Variants in SYNE3 observed in about 807,000 individuals in gnomAD.
SYNE3 encodes nesprin-3.
Under a neutral mutation model 111.2 loss-of-function variants are expected in SYNE3, and 100 were observed. The observed-to-expected ratio is 0.90, with a 90% CI of 0.77 to 1.06. SYNE3 has a LOEUF of 1.06. Ranked by LOEUF, SYNE3 falls within the 50% of genes least tolerant of loss-of-function variation. SYNE3 has a pLI of 0.00. For synonymous variants in SYNE3, 547 were observed against 533.9 expected, an observed-to-expected ratio of 1.02 and a Z score of -0.34; for missense variants, 1,160 against 1,240.3, an observed-to-expected ratio of 0.94 and a Z score of 0.97.
chr14:95,434,477 A>G (rs1885972449), intron 15 of SYNE3, among the ~76,000 whole-genome samples: 1 of 152,142 alleles, frequency 6.6e-6, no homozygotes, highest in South Asian at 2.1e-4. Context: ...CCTTCACCCT[A>G]TTAAAAATGA....
At position 95,455,740 on chromosome 14, in the gene SYNE3, G is replaced by C; in HGVS notation, c.790-16C>G. 6.2e-7 allele frequency: 1 copy of C among 1,609,834 alleles called. No homozygotes were observed. Among genetic ancestry groups the C allele is most frequent in the Non-Finnish European group, 8.5e-7 (1 of 1,177,434 alleles). ...TGGCAATGTCCTGAAGAGGGTAGAGGGGTGAGGGAAAAACAGGCAGGGAAA... is the reference window on the plus strand; with the variant it reads ...TGGCAATGTCCTGAAGAGGGTAGAGCGGTGAGGGAAAAACAGGCAGGGAAA... On this transcript the variant is annotated splice_polypyrimidine_tract_variant and intron_variant, in intron 5 of 17. Coordinates refer to ENST00000682763, the MANE Select transcript of SYNE3 (RefSeq NM_152592.6).
At chr14:95,487,070 AC>A (rs1566684276) in intron 1 of SYNE3, among the ~76,000 whole-genome samples, 1 of 151,082 alleles carries the variant, frequency 6.6e-6, no homozygotes, top group Non-Finnish European at 1.5e-5. Context: ...TCCTTCCCCC[AC>A]TCTGCCCCAC....
In SYNE3 at chr14:95,455,458, C is replaced by G. The variant is rs771817288; in HGVS notation, c.1056G>C (p.Gln352His). 1 of 1,612,280 alleles carries G rather than the reference C, an allele frequency of 6.2e-7. No homozygotes were observed. Among genetic ancestry groups the G allele is most frequent in the Non-Finnish European group, 8.5e-7 (1 of 1,179,268 alleles). Residue 352 changes from glutamine (Q) to histidine (H), a missense_variant, in exon 6 of 18, where the codon CAG becomes CAC. By Grantham distance (24) the Gln-to-His change is conservative. Transcript: ENST00000682763. ...GCTGCAGGCCCTCCTGGGCCAGCCT[C>G]TGCAGGACCATCCTGAACTCACTGA... ...AELSEFRMVLQRLAQEGLQPA... is the reference protein window; with the variant it reads ...AELSEFRMVLHRLAQEGLQPA...
chr14:95,460,367 GTTTTTTTTTTTTTT>G (rs548346693), intron 4 of SYNE3, among the ~76,000 whole-genome samples: 2 of 85,238 alleles, frequency 2.3e-5, no homozygotes, highest in Non-Finnish European at 4.4e-5. Context: ...ACGATGCCTA[GTTTTTTTTTTTTTT>G]TTTTTTTTTT....
At chr14:95,481,239 C>T (rs975780643) in intron 1 of SYNE3, among the ~76,000 whole-genome samples, 4 of 152,204 alleles carry the variant, frequency 2.6e-5, no homozygotes, top group African/African-American at 9.7e-5. Context: ...CTCACTAGAC[C>T]ATATTGACTC....
chr14:95,447,048 C>G (rs1044712399), intron 8 of SYNE3, among the ~76,000 whole-genome samples: 2 of 152,122 alleles, frequency 1.3e-5, no homozygotes, highest in African/African-American at 2.4e-5. Flanking sequence ...AGACTTAAAA[C>G]ACTGAGCTAG....
intron 17 of SYNE3, among the ~76,000 whole-genome samples, chr14:95,422,979 A>C (rs1449776820): frequency 1.3e-5 from 2 of 152,200 alleles, no homozygotes; most frequent in Non-Finnish European, 2.9e-5. Flanking sequence ...TGTCTTTGCT[A>C]AGTTCTGGGC....
At chr14:95,469,883 TGACGATGATGA>T (rs1888419378) in intron 2 of SYNE3, among the ~76,000 whole-genome samples, 1 of 127,398 alleles carries the variant, frequency 7.8e-6, no homozygotes, top group Non-Finnish European at 1.9e-5. Flanking sequence ...TCGTTGATGA[TGACGATGATGA>T]TGACGATGAT....
intron 4 of SYNE3, among the ~76,000 whole-genome samples, chr14:95,462,846 A>C (rs1887922295): frequency 6.6e-6 from 1 of 152,190 alleles, no homozygotes; most frequent in African/African-American, 2.4e-5. Context: ...TGACGCACAG[A>C]ATGTTTTTTA....
intron 8 of SYNE3, among the ~76,000 whole-genome samples, chr14:95,448,222 A>G (rs1022684011): frequency 6.6e-6 from 1 of 152,204 alleles, no homozygotes; most frequent in Middle Eastern, 3.2e-3. Flanking sequence ...GATATAAAGG[A>G]CAGATTTGGG....
At position 95,443,247 on chromosome 14, in the gene SYNE3, C is replaced by T. The variant is rs1886508047; in HGVS notation, c.1819G>A (p.Ala607Thr). ...EGLDLGAQME[A>T]ARPLVQENPN... ...TTCTCCTGGACCAGAGGCCTTGCAG[C>T]CTCCATCTGTGCCCCCAAGTCCAGC... is the stretch of plus-strand genomic sequence containing the variant. Residue 607 changes from alanine to threonine, a missense_variant, in exon 11 of 18, where the codon GCT becomes ACT. Physicochemically the swap from Ala to Thr is moderately conservative, Grantham distance 58. Coordinates refer to ENST00000682763, the MANE Select transcript of SYNE3 (RefSeq NM_152592.6). 1 of 1,614,120 alleles carries T rather than the reference C, an allele frequency of 6.2e-7. No individual in the cohort carries two copies. The highest frequency in any genetic ancestry group is 8.5e-7 in the Non-Finnish European group (1 of 1,180,042).
Position 95,457,298 on chromosome 14 carries a change from T to A in SYNE3, c.668A>T (p.Glu223Val). 1 of 1,614,058 alleles carries A rather than the reference T, an allele frequency of 6.2e-7. No homozygotes were observed. Among genetic ancestry groups the A allele is most frequent in the Non-Finnish European group, 8.5e-7 (1 of 1,179,982 alleles). Reference sequence around the variant, plus strand: ...CTCGTCCACACCTGCCTGGTACTCCTCATGCTCCCGGGCCACCTGCTCCAG... The same window carrying A: ...CTCGTCCACACCTGCCTGGTACTCCACATGCTCCCGGGCCACCTGCTCCAG... Reference protein sequence around the residue: ...DLLEQVAREHEEYQAGVDEFQ... With the variant: ...DLLEQVAREHVEYQAGVDEFQ... Residue 223 changes from glutamate (E) to valine (V), a missense_variant, in exon 5 of 18, where the codon GAG becomes GTG. Coordinates refer to ENST00000682763, the MANE Select transcript of SYNE3 (RefSeq NM_152592.6).
intron 2 of SYNE3, among the ~76,000 whole-genome samples, chr14:95,473,598 C>G (rs1195740896): frequency 1.3e-5 from 2 of 152,098 alleles, no homozygotes; most frequent in Admixed American, 6.6e-5. Context: ...GGTCTTCTGC[C>G]AATCAAAGGA....
Position 95,452,255 on chromosome 14 carries a change from C to T in SYNE3, c.1266G>A (p.Glu422=), listed in dbSNP as rs1887132721. The T allele has an allele frequency of 6.2e-7, 1 of 1,608,962 alleles. No individual in the cohort carries two copies. The highest frequency in any genetic ancestry group is 8.5e-7 in the Non-Finnish European group (1 of 1,176,524). The part of the protein sequence containing the change: ...LSDSVIATIQ[E]YQSLKVKSAR... ...TTGGCCTTCCCAGATACCTCTGATACTCCTGGATGGTAGCGATGACACTAT... is the reference window on the plus strand; with the variant it reads ...TTGGCCTTCCCAGATACCTCTGATATTCCTGGATGGTAGCGATGACACTAT... Residue 422 remains glutamate, a synonymous_variant, in exon 7 of 18, where the codon GAG becomes GAA. Transcript: ENST00000682763.
At chr14:95,444,725 GC>G in intron 9 of SYNE3, 97 bp from the exon 10 acceptor site, 1 of 1,415,872 alleles carries the variant, frequency 7.1e-7, no homozygotes, top group Non-Finnish European at 9.3e-7. Context: ...CTTCGTCTCG[GC>G]CAGCTCATGC....
chr14:95,425,082 A>G (rs1885355627), intron 17 of SYNE3, among the ~76,000 whole-genome samples: 1 of 152,120 alleles, frequency 6.6e-6, no homozygotes, highest in South Asian at 2.1e-4. Context: ...TCTACTAAAA[A>G]TACAAAAAAA....
Position 95,478,400 on chromosome 14 carries a change from G to A in SYNE3, c.-14-2565C>T, listed in dbSNP as rs748639479. ...AGGGACCTCTGAGGTTGTGGGTTGAGAGGGTCGATGTTACTGTGACCCCTG... is the reference window on the plus strand; with the variant it reads ...AGGGACCTCTGAGGTTGTGGGTTGAAAGGGTCGATGTTACTGTGACCCCTG... On this transcript the variant is annotated intron_variant, in intron 1 of 17. Transcript: ENST00000682763. 3.9e-5 allele frequency among the ~76,000 whole-genome samples: 6 copies of A among 152,326 alleles called. No individual in the cohort carries two copies. In the East Asian group the frequency reaches 5.8e-4, roughly 15 times the overall value.
intron 2 of SYNE3, among the ~76,000 whole-genome samples, chr14:95,474,412 G>A (rs1361664411): frequency 2.0e-5 from 3 of 152,190 alleles, no homozygotes; most frequent in African/African-American, 7.2e-5. Flanking sequence ...AGCAGGGTGG[G>A]CCTCACCCAC....
intron 4 of SYNE3, among the ~76,000 whole-genome samples, chr14:95,457,573 C>T (rs1015263679): frequency 6.6e-6 from 1 of 152,092 alleles, no homozygotes; most frequent in African/African-American, 2.4e-5. Context: ...TGGCACTGGG[C>T]CCTGTCACTA....
Sources: allele counts gnomAD v4.1 joint callset (sites outside exome capture counted in the v4.1 genomes callset), GRCh38; gene constraint gnomAD v4.1.1; transcripts MANE v1.5; gene names NCBI Gene and HGNC (gene_info 2026-07-23, HGNC 2026-07-21).